PGLYRP2: variants seen among roughly 807,000 people sequenced by gnomAD.
The protein encoded by PGLYRP2 is peptidoglycan recognition protein 2.
PGLYRP2 carries 38 observed loss-of-function variants against 46.2 expected under a neutral mutation model. The observed-to-expected ratio is 0.82, with a 90% confidence interval of 0.64 to 1.08. The LOEUF is 1.08. Ranked by LOEUF, PGLYRP2 falls within the 50% of genes least tolerant of loss-of-function variation. The probability of loss-of-function intolerance (pLI) is 0.00; values close to 1 mark genes in which losing one functional copy is unlikely to be tolerated. For missense variants in PGLYRP2, 713 were observed against 755.9 expected (o/e 0.94, Z 0.67); for synonymous variants, 289 against 329.4 (o/e 0.88, Z 1.33).
rs61734899 is a variant in PGLYRP2 at position 15,469,883 on chromosome 19, G to A, written c.1390C>T (p.His464Tyr). 0.01 allele frequency: 15,249 copies of A among 1,481,090 alleles called. 253 individuals carry two copies. Among genetic ancestry groups the A allele is most frequent in the African/African-American group, 0.047 (3,208 of 68,554 alleles). The allele number at this position is 1,481,090 out of a possible 1,614,324, so 91.7% of individuals were successfully genotyped here. A position where few individuals can be genotyped will look rare whatever the true frequency, so the allele number is the denominator to read the frequency against. Reference sequence around the variant, plus strand: ...CCGAGCGTGTGGGCGCCCACCCAGTGCCAGCCGCGTCCCTCGTACACGTAG... The same window carrying A: ...CCGAGCGTGTGGGCGCCCACCCAGTACCAGCCGCGTCCCTCGTACACGTAG... ...DGYVYEGRGW[H>Y]WVGAHTLGHN... The change falls in exon 4 of 5, where the codon CAC (histidine) becomes TAC (tyrosine). Residue 464 changes from histidine to tyrosine, a missense_variant. Coordinates refer to ENST00000340880, the MANE Select transcript of PGLYRP2 (RefSeq NM_052890.4). The surrounding 1 kb of genome is among the most constrained non-coding windows in gnomAD (Gnocchi z 4.9).
intron 4 of PGLYRP2, 78 bp from the exon 5 acceptor site, chr19:15,468,830 C>A: frequency 8.5e-7 from 1 of 1,171,072 alleles, no homozygotes; most frequent in Non-Finnish European, 1.2e-6. Flanking sequence ...GTGGTGGAAC[C>A]CTGGATCAGG....
chr19:15,475,520 T>C lies in PGLYRP2; in HGVS notation c.1132+18A>G. 1.3e-6 allele frequency: 2 copies of C among 1,562,424 alleles called. No homozygotes were observed. The highest frequency in any genetic ancestry group is 1.7e-6 in the Non-Finnish European group (2 of 1,151,130). ...GTCTGTAATGGGAAGGATCACAGGG[T>C]GTGGGGAACTTCCTCACCCAGGAAG... On this transcript the variant is annotated intron_variant, in intron 2 of 4. Transcript: ENST00000340880.
Position 15,472,042 on chromosome 19 carries a change from C to T in PGLYRP2, c.1191G>A (p.Pro397=). The T allele has an allele frequency of 6.2e-7, 1 of 1,611,206 alleles. No homozygotes were observed. The highest frequency in any genetic ancestry group is 8.5e-7 in the Non-Finnish European group (1 of 1,179,916). ...RWGAAPYRGR[P]KLLQLPLGFL... ...ATCCCAGCGGCAGCTGCAGCAGCTT[C>T]GGGCGGCCCCGATAAGGCGCCGCTC... The change falls in exon 3 of 5, where the codon CCG becomes CCA. Residue 397 remains proline (P), a synonymous_variant. Coordinates refer to ENST00000340880, the MANE Select transcript of PGLYRP2 (RefSeq NM_052890.4).
chr19:15,476,483 G>C lies in PGLYRP2; in HGVS notation c.187C>G (p.His63Asp), dbSNP rs747869426. 9 of 1,614,160 alleles carry C rather than the reference G, an allele frequency of 5.6e-6. No homozygotes were observed. The Admixed American group carries it at 1.3e-4, about 24-fold the overall frequency. ...WLMSAPNSGP[H>D]NRLYHFLLGA... ...AGCAGGAAGTGGTAGAGGCGATTGT[G>C]GGGGCCAGAGTTTGGAGCTGACATC... is the stretch of plus-strand genomic sequence containing the variant. The change falls in exon 2 of 5, where the codon CAC (histidine) becomes GAC (aspartate). Residue 63 changes from histidine (H) to aspartate (D), a missense_variant. Coordinates refer to ENST00000340880, the MANE Select transcript of PGLYRP2 (RefSeq NM_052890.4).
In PGLYRP2 at chr19:15,469,956, C is replaced by T; in HGVS notation, c.1344-27G>A. The T allele has an allele frequency of 7.2e-7, 1 of 1,393,276 alleles. No homozygotes were observed. Among genetic ancestry groups the T allele is most frequent in the African/African-American group, 1.5e-5 (1 of 66,840 alleles). The allele number at this position is 1,393,276 out of a possible 1,614,324, so 86.3% of individuals were successfully genotyped here. ...TGCAGAGGGGAGGGAGAAGCAAGCACCATGCGGCGTGAGGGGGACCCGGGC... is the reference window on the plus strand; with the variant it reads ...TGCAGAGGGGAGGGAGAAGCAAGCATCATGCGGCGTGAGGGGGACCCGGGC... On this transcript the variant is annotated intron_variant, in intron 3 of 4. Transcript: ENST00000340880. The surrounding 1 kb of genome is among the most constrained non-coding windows in gnomAD (Gnocchi z 4.9).
chr19:15,468,858 A>G, intron 4 of PGLYRP2, 106 bp from the exon 5 acceptor site: 1 of 812,520 alleles, frequency 1.2e-6, no homozygotes, highest in Admixed American at 2.6e-5. Flanking sequence ...CAGTGGCCCA[A>G]AGTGAGAGAG....
chr19:15,468,979 G>A, intron 4 of PGLYRP2: 1 of 502,872 alleles, frequency 2.0e-6, no homozygotes, highest in Non-Finnish European at 3.5e-6. Context: ...TTCTAAAATT[G>A]TTTTAGTGAT....
At chr19:15,476,689 C>T (rs1970801277) in intron 1 of PGLYRP2, 81 bp from the exon 2 acceptor site, 1 of 1,191,290 alleles carries the variant, frequency 8.4e-7, no homozygotes, top group East Asian at 2.6e-5. Context: ...ACCCAATGCT[C>T]CCAGCCCTCC....
At chr19:15,473,634 C>T (rs1347611331) in intron 2 of PGLYRP2, among the ~76,000 whole-genome samples, 1 of 151,512 alleles carries the variant, frequency 6.6e-6, no homozygotes, top group Non-Finnish European at 1.5e-5. Flanking sequence ...ACCTCAAAAG[C>T]ACAGAGCAAA....
At chr19:15,471,182 G>C (rs866856917) in intron 3 of PGLYRP2, among the ~76,000 whole-genome samples, 1 of 139,212 alleles carries the variant, frequency 7.2e-6, no homozygotes. Flanking sequence ...GCGCGATCTC[G>C]GCTCACTGCA....
At chr19:15,476,898 A>G (rs761716729) in intron 1 of PGLYRP2, among the ~76,000 whole-genome samples, 49 of 152,294 alleles carry the variant, frequency 3.2e-4, no homozygotes, top group African/African-American at 4.3e-4. Context: ...TTTGGCTGCC[A>G]TAAGGAAATG....
chr19:15,479,396 G>A lies in PGLYRP2; in HGVS notation c.-25C>T. 2 of 1,612,314 alleles carry A rather than the reference G, an allele frequency of 1.2e-6. No homozygotes were observed. The highest frequency in any genetic ancestry group is 1.7e-6 in the Non-Finnish European group (2 of 1,179,030). On this transcript the variant is annotated 5_prime_UTR_variant, in exon 1 of 5. Coordinates refer to ENST00000340880, the MANE Select transcript of PGLYRP2 (RefSeq NM_052890.4). ...TTGTTGCAGGATTCCAGCTTCCAAG[G>A]GGTATTTCTGGTTGGCCTCGGCAGA...
At position 15,469,218 on chromosome 19, in the gene PGLYRP2, G is replaced by T; in HGVS notation, c.1641+414C>A. ...GGCCTTCGGGTAGGGGCAGGGGTGA[G>T]GTCAAGGTTCGGCGGGCCAGGATGA... On this transcript the variant is annotated intron_variant, in intron 4 of 4. Transcript: ENST00000340880. The surrounding 1 kb of genome is among the most constrained non-coding windows in gnomAD (Gnocchi z 4.9). The T allele has an allele frequency of 3.4e-6, 2 of 596,736 alleles. No homozygotes were observed. The highest frequency in any genetic ancestry group is 6.0e-6 in the Non-Finnish European group (2 of 334,360). The allele number at this position is 596,736 out of a possible 1,614,324, so 37.0% of individuals were successfully genotyped here. A position where few individuals can be genotyped will look rare whatever the true frequency, so the allele number is the denominator to read the frequency against.
In PGLYRP2 at chr19:15,475,925, A is replaced by G; in HGVS notation, c.745T>C (p.Trp249Arg). 1.9e-6 allele frequency: 3 copies of G among 1,614,184 alleles called. No individual in the cohort carries two copies. The highest frequency in any genetic ancestry group is 2.5e-6 in the Non-Finnish European group (3 of 1,180,028). The change falls in exon 2 of 5, where the codon TGG becomes CGG. Residue 249 changes from tryptophan (W) to arginine (R), a missense_variant. Coordinates refer to ENST00000340880, the MANE Select transcript of PGLYRP2 (RefSeq NM_052890.4). ...GTCCGAGGGGCAGAGAGCTGGTCCCAGCAGCCCTCAGTTCCCAGGTCTGGA... is the reference window on the plus strand; with the variant it reads ...GTCCGAGGGGCAGAGAGCTGGTCCCGGCAGCCCTCAGTTCCCAGGTCTGGA... ...SHPDLGTEGC[W>R]DQLSAPRTFT...
At position 15,468,767 on chromosome 19, in the gene PGLYRP2, G is replaced by A. The variant is rs1200253665; in HGVS notation, c.1642-15C>T. On this transcript the variant is annotated splice_polypyrimidine_tract_variant and intron_variant, in intron 4 of 4. Coordinates refer to ENST00000340880, the MANE Select transcript of PGLYRP2 (RefSeq NM_052890.4). ...GGCTTAACAGTCTGGAAAAAGACAAGGGAGTGTGAGGCTTGGGGGTGGTTG... is the reference window on the plus strand; with the variant it reads ...GGCTTAACAGTCTGGAAAAAGACAAAGGAGTGTGAGGCTTGGGGGTGGTTG... 1.0e-5 allele frequency: 16 copies of A among 1,598,446 alleles called. No homozygotes were observed. The highest frequency in any genetic ancestry group is 1.3e-5 in the African/African-American group (1 of 74,452).
Position 15,476,539 on chromosome 19 carries a change from G to C in PGLYRP2, c.131C>G (p.Ala44Gly). Residue 44 changes from alanine to glycine, a missense_variant, in exon 2 of 5, where the codon GCC (alanine) becomes GGC (glycine). Physicochemically the swap from Ala to Gly is moderately conservative, Grantham distance 60. Transcript: ENST00000340880. ...LAELEQKVPA[A>G]KTRHTASAWL... ...CGCAGAAGCTGTGTGTCTGGTCTTG[G>C]CAGCTGGCACTTTCTGCTCCAGCTC... 6.2e-7 allele frequency: 1 copy of C among 1,613,810 alleles called. No homozygotes were observed. Among genetic ancestry groups the C allele is most frequent in the Non-Finnish European group, 8.5e-7 (1 of 1,179,872 alleles).
chr19:15,477,295 A>G (rs1177247161), intron 1 of PGLYRP2, among the ~76,000 whole-genome samples: 1 of 150,992 alleles, frequency 6.6e-6, no homozygotes, highest in Non-Finnish European at 1.5e-5. Context: ...TGGGAGGCTG[A>G]GACGGGAGAA....
Position 15,479,423 on chromosome 19 carries a change from A to G in PGLYRP2, c.-52T>C, listed in dbSNP as rs1314984984. On this transcript the variant is annotated 5_prime_UTR_variant, in exon 1 of 5. Coordinates refer to ENST00000340880, the MANE Select transcript of PGLYRP2 (RefSeq NM_052890.4). ...GTATTTCTGGTTGGCCTCGGCAGAG[A>G]ACCTCGGCAGTGCTGGAGGGAGACA... The G allele has an allele frequency of 7.6e-6, 12 of 1,575,336 alleles. No individual in the cohort carries two copies. The highest frequency in any genetic ancestry group is 1.8e-5 in the Admixed American group (1 of 57,082).
rs756891582 is a variant in PGLYRP2 at position 15,471,956 on chromosome 19, G to A, written c.1277C>T (p.Ala426Val). ...APPCTDFTRC[A>V]ANMRSMQRYH... ...GCGCTGCATGGAGCGCATGTTGGCT[G>A]CGCAGCGCGTGAAGTCCGTGCAGGG... The change falls in exon 3 of 5, where the codon GCA becomes GTA. Residue 426 changes from alanine to valine, a missense_variant. Physicochemically the swap from Ala to Val is moderately conservative, Grantham distance 64 (BLOSUM62 0). Transcript: ENST00000340880. 6.2e-7 allele frequency: 1 copy of A among 1,614,120 alleles called. No homozygotes were observed. Among genetic ancestry groups the A allele is most frequent in the Non-Finnish European group, 8.5e-7 (1 of 1,179,976 alleles).
Sources: allele counts gnomAD v4.1 joint callset (sites outside exome capture counted in the v4.1 genomes callset), GRCh38; gene constraint gnomAD v4.1.1; non-coding constraint Gnocchi (gnomAD v3.1); transcripts MANE v1.5; gene names NCBI Gene and HGNC (gene_info 2026-07-23, HGNC 2026-07-21).